The following GRID2 variants were observed in gnomAD, a reference collection of about 807,000 sequenced individuals.
The protein encoded by GRID2 is glutamate ionotropic receptor delta type subunit 2.
Under a neutral mutation model 114.8 loss-of-function variants are expected in GRID2, and 33 were observed. That is an observed-to-expected ratio of 0.29 (90% CI 0.22 to 0.38). The LOEUF is 0.38. Among genes scored for constraint, GRID2 ranks in the 10% least tolerant of loss-of-function variants. The pLI, the probability that GRID2 is intolerant of heterozygous loss-of-function variation, is 1.00. For missense variants in GRID2, 1,184 were observed against 1,257.7 expected (o/e 0.94, Z 0.89); for synonymous variants, 505 against 449.9 (o/e 1.12, Z -1.55).
intron 8 of GRID2, among the ~76,000 whole-genome samples, chr4:93,273,355 A>T (rs924851086): frequency 2.0e-5 from 3 of 152,130 alleles, no homozygotes; most frequent in Non-Finnish European, 2.9e-5. Flanking sequence ...TATCTGAATG[A>T]TTTCATTTTT....
At chr4:93,277,554 T>C (rs1752184705) in intron 8 of GRID2, among the ~76,000 whole-genome samples, 2 of 152,030 alleles carry the variant, frequency 1.3e-5, no homozygotes, top group African/African-American at 4.8e-5. Context: ...AAAATAACTA[T>C]AGTTAATTTT....
chr4:92,538,480 T>C (rs1209804027), intron 1 of GRID2, among the ~76,000 whole-genome samples: 1 of 152,184 alleles, frequency 6.6e-6, no homozygotes, highest in East Asian at 1.9e-4. Context: ...AGGAAATGCA[T>C]TTGCCTATTG....
At chr4:93,590,690 T>C (rs1476075662) in intron 13 of GRID2, among the ~76,000 whole-genome samples, 1 of 152,222 alleles carries the variant, frequency 6.6e-6, no homozygotes, top group Non-Finnish European at 1.5e-5. Flanking sequence ...CCCATGAGCA[T>C]GGAATGTTCT....
chr4:92,564,662 G>C (rs898907618), intron 1 of GRID2, among the ~76,000 whole-genome samples: 1 of 151,724 alleles, frequency 6.6e-6, no homozygotes, highest in Admixed American at 6.6e-5. Flanking sequence ...TGCTCTCTTC[G>C]GCAGTACATA....
intron 2 of GRID2, among the ~76,000 whole-genome samples, chr4:92,726,095 AC>A (rs1244605813): frequency 6.6e-6 from 1 of 152,146 alleles, no homozygotes; most frequent in East Asian, 1.9e-4. Flanking sequence ...AAAGAGATCT[AC>A]TCATCTTGTA....
At chr4:93,736,861 CA>C (rs11437016) in intron 14 of GRID2, among the ~76,000 whole-genome samples, 52,282 of 122,210 alleles carry the variant, frequency 0.43, 9,914 homozygotes, top group East Asian at 0.69. Context: ...CAGACTTGCT[CA>C]AAAAAAAAAA....
At chr4:92,817,767 A>C (rs946385697) in intron 2 of GRID2, among the ~76,000 whole-genome samples, 4 of 151,698 alleles carry the variant, frequency 2.6e-5, no homozygotes, top group African/African-American at 9.7e-5. Context: ...TCCTTGGCCC[A>C]AGTGATCCTC....
chr4:93,192,086 A>G (rs1297581682), intron 4 of GRID2, among the ~76,000 whole-genome samples: 2 of 152,142 alleles, frequency 1.3e-5, no homozygotes, highest in African/African-American at 4.8e-5. Flanking sequence ...CTTATGTCTT[A>G]TGTCCCCTTA....
At chr4:92,825,621 C>T (rs1741642425) in intron 2 of GRID2, among the ~76,000 whole-genome samples, 1 of 152,122 alleles carries the variant, frequency 6.6e-6, no homozygotes, top group Non-Finnish European at 1.5e-5. Flanking sequence ...TGTTCCCATT[C>T]ACATATGGGT....
intron 2 of GRID2, among the ~76,000 whole-genome samples, chr4:92,824,315 C>A (rs1016295620): frequency 6.6e-6 from 1 of 151,992 alleles, no homozygotes; most frequent in Admixed American, 6.6e-5. Context: ...TTTATTATCT[C>A]CAAATGTTTA....
intron 1 of GRID2, among the ~76,000 whole-genome samples, chr4:92,570,012 T>C (rs1560717452): frequency 6.6e-6 from 1 of 152,122 alleles, no homozygotes; most frequent in Non-Finnish European, 1.5e-5. Flanking sequence ...CTTTTGATGT[T>C]TTTTCATGAA....
chr4:93,107,481 TA>T (rs1168293383), intron 3 of GRID2, among the ~76,000 whole-genome samples: 2 of 152,040 alleles, frequency 1.3e-5, no homozygotes. Flanking sequence ...AAATTAAAGC[TA>T]AAAAACGTTA....
intron 13 of GRID2, among the ~76,000 whole-genome samples, chr4:93,607,757 T>G (rs555255389): frequency 2.6e-4 from 40 of 152,272 alleles, no homozygotes; most frequent in Admixed American, 1.1e-3. Flanking sequence ...TTTTATTTTG[T>G]ACTCACCACT....
intron 4 of GRID2, among the ~76,000 whole-genome samples, chr4:93,163,310 T>C (rs1737862754): frequency 7.0e-6 from 1 of 143,122 alleles, no homozygotes; most frequent in Admixed American, 7.0e-5. Context: ...CTCAAGACAG[T>C]AAGATTATAA....
intron 1 of GRID2, among the ~76,000 whole-genome samples, chr4:92,424,918 ATAATT>A (rs1029251806): frequency 7.2e-5 from 11 of 152,004 alleles, no homozygotes; most frequent in African/African-American, 2.4e-4. Flanking sequence ...CTAGGATAAA[ATAATT>A]TAATGAATGG....
chr4:93,567,328 A>G (rs531351903), intron 13 of GRID2, among the ~76,000 whole-genome samples: 2 of 152,206 alleles, frequency 1.3e-5, no homozygotes, highest in Non-Finnish European at 2.9e-5. Flanking sequence ...CCTTTTAAAC[A>G]ATTTAAGTTG....
chr4:92,334,235 C>T (rs1727049204), intron 1 of GRID2, among the ~76,000 whole-genome samples: 2 of 152,188 alleles, frequency 1.3e-5, no homozygotes, highest in Non-Finnish European at 2.9e-5. Context: ...CTGATTATGA[C>T]CACTTAAGTA....
At chr4:93,745,018 G>A (rs900150330) in intron 14 of GRID2, among the ~76,000 whole-genome samples, 4 of 152,074 alleles carry the variant, frequency 2.6e-5, no homozygotes, top group Middle Eastern at 3.2e-3. Flanking sequence ...TACTTTTTTA[G>A]GAATAATGCT....
At chr4:93,085,765 T>C (rs1409563480) in intron 3 of GRID2, among the ~76,000 whole-genome samples, 1 of 152,126 alleles carries the variant, frequency 6.6e-6, no homozygotes, top group East Asian at 1.9e-4. Flanking sequence ...AGTACTTAAC[T>C]CCTTGGAGTC....
Sources: allele counts gnomAD v4.1 joint callset (sites outside exome capture counted in the v4.1 genomes callset), GRCh38; gene constraint gnomAD v4.1.1; transcripts MANE v1.5; gene names NCBI Gene and HGNC (gene_info 2026-07-23, HGNC 2026-07-21).